Variants in TRIO observed in about 807,000 individuals in gnomAD.
TRIO encodes trio Rho guanine nucleotide exchange factor, also known as triple functional domain protein.
Under a neutral mutation model 351.9 loss-of-function variants are expected in TRIO, and 58 were observed. The ratio of observed to expected loss-of-function variants is 0.16; its 90% CI spans 0.13 to 0.21. TRIO has a LOEUF of 0.21. Among genes scored for constraint, TRIO ranks in the 10% least tolerant of loss-of-function variants. The pLI is 1.00. For synonymous variants in TRIO, 1,758 were observed against 1,595.7 expected (o/e 1.10, Z -2.42); for missense variants, 3,201 against 4,027.8 (o/e 0.79, Z 5.56).
At chr5:14,310,428 G>A (rs1738816253) in intron 8 of TRIO, among the ~76,000 whole-genome samples, 1 of 152,252 alleles carries the variant, frequency 6.6e-6, no homozygotes, top group Non-Finnish European at 1.5e-5. Context: ...CTTAGATTCT[G>A]CATCCATTTC....
At position 14,389,309 on chromosome 5, in the gene TRIO, C is replaced by G; in HGVS notation, c.3969C>G (p.Thr1323=). The G allele has an allele frequency of 6.2e-7, 1 of 1,611,480 alleles. No homozygotes were observed. Among genetic ancestry groups the G allele is most frequent in the East Asian group, 2.2e-5 (1 of 44,698 alleles). ...ECMDTYLWEM[T]SGVEEIPPGI... ...GCTAGACGTACCTGTGGGAAATGACCAGTGGCGTGGAAGAGATTCCACCTG... is the reference window on the plus strand; with the variant it reads ...GCTAGACGTACCTGTGGGAAATGACGAGTGGCGTGGAAGAGATTCCACCTG... Residue 1323 remains threonine, a synonymous_variant, in exon 25 of 57, where the codon ACC becomes ACG. Transcript: ENST00000344204.
intron 34 of TRIO, among the ~76,000 whole-genome samples, chr5:14,436,232 C>G (rs1436635365): frequency 6.6e-6 from 1 of 152,200 alleles, no homozygotes; most frequent in African/African-American, 2.4e-5. Flanking sequence ...TCACATCTTA[C>G]ATGGATGGCA....
At chr5:14,269,107 A>C (rs1795849527) in intron 1 of TRIO, among the ~76,000 whole-genome samples, 1 of 152,190 alleles carries the variant, frequency 6.6e-6, no homozygotes, top group East Asian at 1.9e-4. Context: ...AGCTCGGTCA[A>C]ATCTACCCAT....
chr5:14,378,232 C>G, intron 20 of TRIO, 105 bp downstream of exon 20: 1 of 817,600 alleles, frequency 1.2e-6, no homozygotes, highest in Non-Finnish European at 2.0e-6. Context: ...AAACCACTTT[C>G]TAATGACAAA....
chr5:14,406,502 C>T, intron 32 of TRIO, 71 bp from the exon 33 acceptor site: 1 of 1,470,352 alleles, frequency 6.8e-7, no homozygotes. Context: ...CCTCATTAAA[C>T]AAATCAGTTG....
rs1471200455 is a variant in TRIO at position 14,291,023 on chromosome 5, T to G, written c.848T>G (p.Leu283Arg). 9 of 1,614,196 alleles carry G rather than the reference T, an allele frequency of 5.6e-6. No homozygotes were observed. Among genetic ancestry groups the G allele is most frequent in the Non-Finnish European group, 7.6e-6 (9 of 1,180,036 alleles). The change falls in exon 5 of 57, where the codon CTT (leucine) becomes CGT (arginine). Residue 283 changes from leucine (L) to arginine (R), a missense_variant. Leu to Arg is a moderately radical substitution (Grantham distance 102). Around this residue, in one of 19 missense-constraint regions of TRIO, gnomAD observed 349 missense variants for 449.3 expected, o/e 0.78. Coordinates refer to ENST00000344204, the MANE Select transcript of TRIO (RefSeq NM_007118.4). ...CTGGATTTGGAGGGACAGAAGCTGCTTCAGAGGATACAGAGCAGTGAAAGC... is the reference window on the plus strand; with the variant it reads ...CTGGATTTGGAGGGACAGAAGCTGCGTCAGAGGATACAGAGCAGTGAAAGC... ...EDLDLEGQKL[L>R]QRIQSSESFP...
In TRIO at chr5:14,352,326, T is replaced by C. The variant is rs560678272; in HGVS notation, c.2047-5852T>C. Among the ~76,000 whole-genome samples the C allele has an allele frequency of 1.0e-3, 159 of 152,352 alleles. 2 individuals carry two copies. Among genetic ancestry groups the C allele is most frequent in the Non-Finnish European group, 2.5e-4 (17 of 68,032 alleles). On this transcript the variant is annotated intron_variant, in intron 11 of 56. Coordinates refer to ENST00000344204, the MANE Select transcript of TRIO (RefSeq NM_007118.4). ...TGCCAGACCTGCTTCTGTTTCTCAG[T>C]AGAATCCAGACTGCTGTGAACTTCC...
At chr5:14,296,243 A>G (rs1246133099) in intron 6 of TRIO, among the ~76,000 whole-genome samples, 2 of 152,190 alleles carry the variant, frequency 1.3e-5, no homozygotes, top group Non-Finnish European at 2.9e-5. Flanking sequence ...GGAAGGAGTG[A>G]TGTGGTAACA....
intron 7 of TRIO, among the ~76,000 whole-genome samples, chr5:14,300,410 T>C (rs1401365061): frequency 1.3e-5 from 2 of 152,232 alleles, no homozygotes; most frequent in Admixed American, 1.3e-4. Context: ...TAAAATGTAG[T>C]TGCTTATTCA....
intron 9 of TRIO, among the ~76,000 whole-genome samples, chr5:14,318,858 T>C (rs899319967): frequency 3.3e-5 from 5 of 152,234 alleles, no homozygotes. Context: ...CGTGGACTGA[T>C]GCACTTCCCA....
intron 36 of TRIO, 105 bp from the exon 37 acceptor site, chr5:14,465,440 G>C: frequency 9.2e-7 from 1 of 1,091,072 alleles, no homozygotes; most frequent in Non-Finnish European, 1.4e-6. Context: ...TTTTTGTCTG[G>C]AATTACTTTC....
intron 9 of TRIO, among the ~76,000 whole-genome samples, chr5:14,327,707 A>G (rs1740509767): frequency 6.6e-6 from 1 of 152,182 alleles, no homozygotes; most frequent in Non-Finnish European, 1.5e-5. Flanking sequence ...TGTAGATCTT[A>G]CAGGCAGGTG....
chr5:14,381,237 C>T lies in TRIO; in HGVS notation c.3555C>T (p.Phe1185=), dbSNP rs1200259113. 1.2e-6 allele frequency: 2 copies of T among 1,611,712 alleles called. No homozygotes were observed. The highest frequency in any genetic ancestry group is 1.7e-6 in the Non-Finnish European group (2 of 1,179,322). The change falls in exon 21 of 57, where the codon TTC becomes TTT. Residue 1185 remains phenylalanine, a synonymous_variant. Coordinates refer to ENST00000344204, the MANE Select transcript of TRIO (RefSeq NM_007118.4). The part of the protein sequence containing the change: ...TQELLKEHEE[F]QITAKQTKER... Reference sequence around the variant, plus strand: ...AGCTCCTGAAAGAGCACGAGGAGTTCCAGATAACTGCAAAGGTGGGTTCAG... The same window carrying T: ...AGCTCCTGAAAGAGCACGAGGAGTTTCAGATAACTGCAAAGGTGGGTTCAG...
chr5:14,257,586 G>T lies in TRIO; in HGVS notation c.158-13239G>T, dbSNP rs529913274. Among the ~76,000 whole-genome samples the T allele has an allele frequency of 2.0e-5, 3 of 152,262 alleles. No homozygotes were observed. The East Asian group carries it at 5.8e-4, about 29-fold the overall frequency. On this transcript the variant is annotated intron_variant, in intron 1 of 56. Coordinates refer to ENST00000344204, the MANE Select transcript of TRIO (RefSeq NM_007118.4). Reference sequence around the variant, plus strand: ...TGTGGGGTGGGGAAGGGGGACAGACGGGGCGTGGGAAAGATCTTCCCGAGT... The same window carrying T: ...TGTGGGGTGGGGAAGGGGGACAGACTGGGCGTGGGAAAGATCTTCCCGAGT...
rs1259456306 is a variant in TRIO at position 14,373,825 on chromosome 5, ACCCTACGTAGAAATCCAGGCACAGCCCAG to A, written c.3217-402_3217-374del. ...CCAAAACTGAAAGTGTTTACTGTCT[ACCCTACGTAGAAATCCAGGCACAGCCCAG>A]CTGAGTTCTGCAGCTCAAGGTCACT... On this transcript the variant is annotated intron_variant, in intron 18 of 56. Coordinates refer to ENST00000344204, the MANE Select transcript of TRIO (RefSeq NM_007118.4). Among the ~76,000 whole-genome samples the A allele has an allele frequency of 2.0e-5, 3 of 152,180 alleles. No individual in the cohort carries two copies. In the East Asian group the frequency reaches 5.8e-4, roughly 29 times the overall value.
intron 26 of TRIO, among the ~76,000 whole-genome samples, chr5:14,390,697 A>G (rs542756729): frequency 6.6e-6 from 1 of 152,240 alleles, no homozygotes; most frequent in South Asian, 2.1e-4. Flanking sequence ...GCTCAGCCCG[A>G]CGTGTCGGGG....
intron 48 of TRIO, chr5:14,490,712 G>C (rs1756420444): frequency 2.2e-6 from 1 of 448,094 alleles, no homozygotes; most frequent in Non-Finnish European, 4.5e-6. Flanking sequence ...GAAATGCCTA[G>C]TACATAGGAG....
chr5:14,335,222 A>G (rs945009402), intron 10 of TRIO, among the ~76,000 whole-genome samples: 2 of 152,146 alleles, frequency 1.3e-5, no homozygotes, highest in African/African-American at 4.8e-5. Context: ...TTACTTGTGT[A>G]ATTCCATTCT....
At chr5:14,275,808 C>T (rs867906255) in intron 2 of TRIO, among the ~76,000 whole-genome samples, 2 of 147,604 alleles carry the variant, frequency 1.4e-5, no homozygotes, top group African/African-American at 5.0e-5. Flanking sequence ...TTTTGTGTAA[C>T]AGAGTAATAC....
Sources: allele counts gnomAD v4.1 joint callset (sites outside exome capture counted in the v4.1 genomes callset), GRCh38; gene constraint gnomAD v4.1.1; regional missense constraint gnomAD v4.1.1; transcripts MANE v1.5; gene names NCBI Gene and HGNC (gene_info 2026-07-23, HGNC 2026-07-21).